TRIM66: variants seen among roughly 807,000 people sequenced by gnomAD.
TRIM66 encodes tripartite motif-containing protein 66.
A neutral mutation model predicts 148.2 loss-of-function variants in TRIM66; 99 were observed. That is an observed-to-expected ratio of 0.67 (90% CI 0.57 to 0.79). The LOEUF is 0.79. TRIM66 is among the 30% of genes least tolerant of loss of function. The pLI, the probability that TRIM66 is intolerant of heterozygous loss-of-function variation, is 0.00. For synonymous variants in TRIM66, 616 were observed against 635.9 expected, an observed-to-expected ratio of 0.97 and a Z score of 0.47; for missense variants, 1,666 against 1,697.9, an observed-to-expected ratio of 0.98 and a Z score of 0.33.
chr11:8,646,577 G>T lies in TRIM66; in HGVS notation c.843-16C>A. The T allele has an allele frequency of 1.3e-6, 2 of 1,539,376 alleles. No homozygotes were observed. Among genetic ancestry groups the T allele is most frequent in the Non-Finnish European group, 1.8e-6 (2 of 1,135,746 alleles). ...TTCAAAAATCCTGTAAACACAATGG[G>T]ACAAACCATGGTAAGCTTTCCTCAT... On this transcript the variant is annotated splice_polypyrimidine_tract_variant and intron_variant, in intron 10 of 24. Transcript: ENST00000646038.
intron 22 of TRIM66, 31 bp from the exon 23 acceptor site, chr11:8,619,566 C>G (rs756308744): frequency 4.0e-6 from 6 of 1,488,512 alleles, no homozygotes; most frequent in African/African-American, 1.4e-5. Flanking sequence ...GAGAAGGAGG[C>G]AAAGGGAGTG....
chr11:8,647,089 C>T (rs975958023), intron 10 of TRIM66, among the ~76,000 whole-genome samples: 1 of 148,048 alleles, frequency 6.8e-6, no homozygotes, highest in Non-Finnish European at 1.5e-5. Flanking sequence ...AAACAATAAA[C>T]ATATAATATA....
At chr11:8,624,625 A>G (rs1210677949) in intron 16 of TRIM66, 74 bp from the exon 17 acceptor site, 1 of 1,479,452 alleles carries the variant, frequency 6.8e-7, no homozygotes, top group South Asian at 1.4e-5. Context: ...AGAACTGTTA[A>G]GCTAAGGTCA....
At chr11:8,628,142 A>T (rs570583110) in intron 15 of TRIM66, among the ~76,000 whole-genome samples, 5 of 152,042 alleles carry the variant, frequency 3.3e-5, no homozygotes, top group Admixed American at 6.5e-5. Flanking sequence ...TGAATGGTAA[A>T]TCTATTTTTT....
At chr11:8,628,612 C>CAAAAAAAAAAAAA (rs750649249) in intron 15 of TRIM66, among the ~76,000 whole-genome samples, 1 of 80,640 alleles carries the variant, frequency 1.2e-5, no homozygotes, top group Non-Finnish European at 2.6e-5. Flanking sequence ...GACCCTGTCT[C>CAAAAAAAAAAAAA]AAAAAAAAAA....
chr11:8,661,060 G>A (rs1197566554), intron 6 of TRIM66, among the ~76,000 whole-genome samples: 3 of 152,188 alleles, frequency 2.0e-5, no homozygotes, highest in African/African-American at 4.8e-5. Flanking sequence ...CGGAGTCAGA[G>A]GGAGTGATCA....
rs1394992887 is a variant in TRIM66 at position 8,625,041 on chromosome 11, T to C, written c.2498A>G (p.Gln833Arg). ...TGTCAGGCTGGGCATGGCCTGGTTTTGAACACTTGTCAGGCTGGACACCAT... is the reference window on the plus strand; with the variant it reads ...TGTCAGGCTGGGCATGGCCTGGTTTCGAACACTTGTCAGGCTGGACACCAT... ...PKMVSSLTSVQNQAMPSLTTS... is the reference protein window; with the variant it reads ...PKMVSSLTSVRNQAMPSLTTS... The change falls in exon 16 of 25, where the codon CAA (glutamine) becomes CGA (arginine). Residue 833 changes from glutamine to arginine, a missense_variant. Gln to Arg is a conservative substitution (Grantham distance 43, BLOSUM62 1). Coordinates refer to ENST00000646038, the MANE Select transcript of TRIM66 (RefSeq NM_001388022.1). 2 of 1,551,742 alleles carry C rather than the reference T, an allele frequency of 1.3e-6. No homozygotes were observed. The highest frequency in any genetic ancestry group is 1.4e-5 in the African/African-American group (1 of 73,182).
intron 15 of TRIM66, among the ~76,000 whole-genome samples, chr11:8,629,834 G>T (rs956404512): frequency 1.2e-4 from 18 of 152,142 alleles, no homozygotes; most frequent in African/African-American, 4.3e-4. Context: ...CAGGAGAGGG[G>T]GTGAAGCTCT....
rs1053327622 is a variant in TRIM66 at position 8,615,570 on chromosome 11, C to T, written c.*2374G>A. 2.6e-5 allele frequency: 4 copies of T among 151,252 alleles called. No homozygotes were observed. Among genetic ancestry groups the T allele is most frequent in the African/African-American group, 9.7e-5 (4 of 41,088 alleles). The allele number at this position is 151,252 out of a possible 1,614,324, so 9.4% of individuals were successfully genotyped here. A position where few individuals can be genotyped will look rare whatever the true frequency, so the allele number is the denominator to read the frequency against. On this transcript the variant is annotated 3_prime_UTR_variant, in exon 25 of 25. Transcript: ENST00000646038. ...TAAGTCATGTTCTGGTTTTTGCATGCAAAAACAAAACAAAACCATGATTCA... is the reference window on the plus strand; with the variant it reads ...TAAGTCATGTTCTGGTTTTTGCATGTAAAAACAAAACAAAACCATGATTCA...
In TRIM66 at chr11:8,616,483, A is replaced by T. The variant is rs2033728783; in HGVS notation, c.*1461T>A. On this transcript the variant is annotated 3_prime_UTR_variant, in exon 25 of 25. Transcript: ENST00000646038. ...TCCTGGCCACTGACATGTCAGGTTCATAGCTCCCCCAACAATATGAGCAAT... is the reference window on the plus strand; with the variant it reads ...TCCTGGCCACTGACATGTCAGGTTCTTAGCTCCCCCAACAATATGAGCAAT... The T allele has an allele frequency of 6.6e-6, 1 of 152,226 alleles. No homozygotes were observed. Among genetic ancestry groups the T allele is most frequent in the African/African-American group, 2.4e-5 (1 of 41,426 alleles). The allele number at this position is 152,226 out of a possible 1,614,324, so 9.4% of individuals were successfully genotyped here. A position where few individuals can be genotyped will look rare whatever the true frequency, so the allele number is the denominator to read the frequency against.
chr11:8,623,466 CAG>C (rs1297684946), intron 17 of TRIM66, among the ~76,000 whole-genome samples: 2 of 152,130 alleles, frequency 1.3e-5, no homozygotes, highest in East Asian at 1.9e-4. Flanking sequence ...GCATAAAATG[CAG>C]AGTTACATTA....
chr11:8,677,061 C>G (rs1305051146), intron 3 of TRIM66, among the ~76,000 whole-genome samples: 6 of 152,136 alleles, frequency 3.9e-5, no homozygotes, highest in African/African-American at 1.4e-4. Context: ...ACTGGAGTAC[C>G]TTAACCTTGC....
chr11:8,672,963 G>A, intron 4 of TRIM66, among the ~76,000 whole-genome samples: 1 of 128,020 alleles, frequency 7.8e-6, no homozygotes, highest in African/African-American at 3.0e-5. Flanking sequence ...TTTTTAAGAT[G>A]GAGTCTTGCT....
At position 8,614,543 on chromosome 11, in the gene TRIM66, A is replaced by C. The variant is rs1317259904; in HGVS notation, c.*3401T>G. On this transcript the variant is annotated 3_prime_UTR_variant, in exon 25 of 25. Coordinates refer to ENST00000646038, the MANE Select transcript of TRIM66 (RefSeq NM_001388022.1). ...TGGACTAAAGGAGCAGGGCAATTTT[A>C]GCAGTACTGAGGGATGGAGAAGAAG... The C allele has an allele frequency of 6.6e-6, 1 of 152,434 alleles. No individual in the cohort carries two copies. Among genetic ancestry groups the C allele is most frequent in the Admixed American group, 6.5e-5 (1 of 15,276 alleles). 9.4% of individuals were successfully genotyped at this position (152,434 alleles called of 1,614,324 possible). A position where few individuals can be genotyped will look rare whatever the true frequency, so the allele number is the denominator to read the frequency against.
intron 4 of TRIM66, among the ~76,000 whole-genome samples, chr11:8,674,465 A>C (rs887352118): frequency 6.6e-6 from 1 of 152,158 alleles, no homozygotes; most frequent in Admixed American, 6.5e-5. Context: ...CTGCAGCCTC[A>C]AACTTCTGAG....
rs1237948603 is a variant in TRIM66 at position 8,648,433 on chromosome 11, C to T, written c.708G>A (p.Val236=). 6.4e-7 allele frequency: 1 copy of T among 1,551,616 alleles called. No individual in the cohort carries two copies. The highest frequency in any genetic ancestry group is 8.7e-7 in the Non-Finnish European group (1 of 1,146,992). ...AGCCCCACCTGTGTTCTTTGTGTTC[C>T]ACCACTAGGCAGCTATGGCAAGTGA... The part of the protein sequence containing the change: ...DMLTCHSCLV[V]EHKEHRCRHV... Residue 236 remains valine (V), a synonymous_variant, in exon 9 of 25, where the codon GTG becomes GTA. Transcript: ENST00000646038.
At chr11:8,644,237 T>C (rs2036653346) in intron 12 of TRIM66, 1 of 339,946 alleles carries the variant, frequency 2.9e-6, no homozygotes, top group Admixed American at 4.2e-5. Flanking sequence ...CTCCTACTCT[T>C]AGGTAATCCA....
At chr11:8,681,764 T>C (rs973547260) in intron 1 of TRIM66, among the ~76,000 whole-genome samples, 7 of 151,906 alleles carry the variant, frequency 4.6e-5, no homozygotes, top group African/African-American at 1.5e-4. Flanking sequence ...TTAGGTCTAG[T>C]AGGGAAGACA....
At chr11:8,622,264 ATACT>A (rs1369936095) in intron 18 of TRIM66, among the ~76,000 whole-genome samples, 1 of 148,380 alleles carries the variant, frequency 6.7e-6, no homozygotes, top group African/African-American at 2.5e-5. Flanking sequence ...ACGTAAATTA[ATACT>A]TAATAAACTT....
Sources: allele counts gnomAD v4.1 joint callset (sites outside exome capture counted in the v4.1 genomes callset), GRCh38; gene constraint gnomAD v4.1.1; transcripts MANE v1.5; gene names NCBI Gene and HGNC (gene_info 2026-07-23, HGNC 2026-07-21).